CNKSR2: variants seen among roughly 807,000 people sequenced by gnomAD.
CNKSR2 encodes the protein CNK homolog protein 2.
In CNKSR2, 14 loss-of-function variants were observed where a neutral mutation model predicts 84.4. That is an observed-to-expected ratio of 0.17 (90% CI 0.11 to 0.26). CNKSR2 has a LOEUF of 0.26. Ranked by LOEUF, CNKSR2 falls within the 10% of genes least tolerant of loss-of-function variation. The pLI, the probability that CNKSR2 is intolerant of heterozygous loss-of-function variation, is 1.00. For missense variants in CNKSR2, 485 were observed against 771.2 expected (o/e 0.63, Z 4.40); for synonymous variants, 275 against 277.9 (o/e 0.99, Z 0.10).
At chrX:21,572,761 G>T (rs760303366) in intron 13 of CNKSR2, among the ~76,000 whole-genome samples, 1 of 111,231 alleles carries the variant, frequency 9.0e-6, no homozygotes, top group African/African-American at 3.3e-5. Flanking sequence ...CATAATACAT[G>T]GGGATTGTGG....
At chrX:21,418,087 C>T (rs1469230360) in intron 1 of CNKSR2, among the ~76,000 whole-genome samples, 4 of 111,367 alleles carry the variant, frequency 3.6e-5, no homozygotes, top group African/African-American at 1.3e-4. Flanking sequence ...CAAATACTAT[C>T]TTAATAACCA....
At chrX:21,501,653 A>G in intron 8 of CNKSR2, 65 bp downstream of exon 8, 1 of 541,219 alleles carries the variant, frequency 1.8e-6, no homozygotes, top group African/African-American at 2.3e-5. Context: ...GCTTTAAAAG[A>G]ATGCCAATGA....
intron 19 of CNKSR2, among the ~76,000 whole-genome samples, chrX:21,607,424 GTTTACTTGGGACTGTCCCAC>G (rs2092524103): frequency 9.0e-6 from 1 of 111,438 alleles, no homozygotes; most frequent in Non-Finnish European, 1.9e-5. Context: ...TAAACAGCTG[GTTTACTTGGGACTGTCCCAC>G]TTTATGGCCC....
At chrX:21,396,753 A>G (rs1291720005) in intron 1 of CNKSR2, among the ~76,000 whole-genome samples, 1 of 112,001 alleles carries the variant, frequency 8.9e-6, no homozygotes, top group East Asian at 2.8e-4. Context: ...ACTTGTAAGC[A>G]TCTGAGCTCG....
At chrX:21,644,560 T>G (rs2092701213) in intron 20 of CNKSR2, 1 of 111,132 alleles carries the variant, frequency 9.0e-6, no homozygotes, top group East Asian at 2.8e-4. Flanking sequence ...CTTTTTGGAG[T>G]AGTTCATATA....
intron 12 of CNKSR2, among the ~76,000 whole-genome samples, 177 bp downstream of exon 12, chrX:21,561,737 A>G (rs1380635862): frequency 1.8e-5 from 2 of 111,582 alleles, no homozygotes; most frequent in African/African-American, 3.3e-5. Context: ...TTAAACAGAT[A>G]TTGTCTCTGA....
chrX:21,467,184 G>A (rs2091139306), intron 4 of CNKSR2, among the ~76,000 whole-genome samples: 1 of 110,989 alleles, frequency 9.0e-6, no homozygotes, highest in African/African-American at 3.3e-5. Context: ...TGGTGTTCCT[G>A]TATCACATGG....
intron 1 of CNKSR2, among the ~76,000 whole-genome samples, chrX:21,384,772 A>G (rs1449457232): frequency 8.9e-6 from 1 of 111,993 alleles, no homozygotes; most frequent in Non-Finnish European, 1.9e-5. Flanking sequence ...GTATACTTAG[A>G]ATTATCAGTC....
chrX:21,563,726 C>T (rs1351667527), intron 13 of CNKSR2, among the ~76,000 whole-genome samples: 2 of 111,552 alleles, frequency 1.8e-5, no homozygotes, highest in African/African-American at 6.5e-5. Flanking sequence ...GCTGATTAAT[C>T]ATCAGTGTGA....
In CNKSR2 at chrX:21,599,339, G is replaced by GGTGTGT. The variant is rs34829122; in HGVS notation, c.1977-1903_1977-1898dup. 4.9e-3 allele frequency among the ~76,000 whole-genome samples: 404 copies of GGTGTGT among 82,678 alleles called. 5 individuals carry two copies. The highest frequency in any genetic ancestry group is 9.1e-3 in the African/African-American group (195 of 21,496). 71.8% of individuals were successfully genotyped at this position (82,678 alleles called of 115,157 possible). A position where few individuals can be genotyped will look rare whatever the true frequency, so the allele number is the denominator to read the frequency against. On this transcript the variant is annotated intron_variant, in intron 17 of 21. Coordinates refer to ENST00000379510, the MANE Select transcript of CNKSR2 (RefSeq NM_014927.5). ...AAATTTCAGTGTTTTTTTTTGTTTT[G>GGTGTGT]GTGTGTGTGTGTGTGTGTGTGTGTG...
intron 9 of CNKSR2, among the ~76,000 whole-genome samples, chrX:21,519,467 A>G (rs2147101161): frequency 9.0e-6 from 1 of 110,909 alleles, no homozygotes; most frequent in East Asian, 2.9e-4. Context: ...CAGATGTGAA[A>G]CGTAACTGCT....
intron 11 of CNKSR2, among the ~76,000 whole-genome samples, chrX:21,543,403 G>C (rs769413295): frequency 1.8e-5 from 2 of 112,455 alleles, no homozygotes; most frequent in Admixed American, 1.9e-4. Flanking sequence ...ATTTAATAAA[G>C]TTCATAAAGA....
intron 13 of CNKSR2, among the ~76,000 whole-genome samples, chrX:21,571,976 G>A (rs2092286864): frequency 8.9e-6 from 1 of 112,060 alleles, no homozygotes; most frequent in Admixed American, 9.5e-5. Context: ...GAAGACAGCT[G>A]TATTACAGAA....
At chrX:21,454,936 G>A (rs769501297) in intron 4 of CNKSR2, among the ~76,000 whole-genome samples, 1 of 111,722 alleles carries the variant, frequency 9.0e-6, no homozygotes, top group East Asian at 2.8e-4. Flanking sequence ...GGCAGGACTA[G>A]AACTCAAGTC....
intron 1 of CNKSR2, among the ~76,000 whole-genome samples, chrX:21,415,773 CT>C (rs2090409417): frequency 9.6e-6 from 1 of 103,819 alleles, no homozygotes; most frequent in South Asian, 4.4e-4. Context: ...TACCCTAGAA[CT>C]TAAAGTATTA....
At position 21,590,494 on chromosome X, in the gene CNKSR2, G is replaced by C; in HGVS notation, c.1609-78G>C. 3.1e-6 allele frequency: 3 copies of C among 955,090 alleles called. No individual in the cohort carries two copies. In the South Asian group the frequency reaches 6.7e-5, roughly 21 times the overall value. The allele number at this position is 955,090 out of a possible 1,213,427, so 78.7% of individuals were successfully genotyped here. A position where few individuals can be genotyped will look rare whatever the true frequency, so the allele number is the denominator to read the frequency against. On this transcript the variant is annotated intron_variant, in intron 13 of 21. Coordinates refer to ENST00000379510, the MANE Select transcript of CNKSR2 (RefSeq NM_014927.5). ...TGTTTAGAGTCATCATTTAGCTCTT[G>C]AGAGTTCTGTGTAGCGTGCTGGTGC...
intron 11 of CNKSR2, among the ~76,000 whole-genome samples, chrX:21,556,585 T>TA (rs2147177295): frequency 1.8e-5 from 2 of 109,636 alleles, no homozygotes; most frequent in East Asian, 5.8e-4. Context: ...AAGGAAGGAG[T>TA]AGTACTCGGT....
intron 20 of CNKSR2, among the ~76,000 whole-genome samples, chrX:21,611,885 G>T (rs184277038): frequency 1.5e-4 from 17 of 111,541 alleles, no homozygotes; most frequent in Non-Finnish European, 1.1e-4. Context: ...CACTGAAAGT[G>T]GCCTTGCACT....
chrX:21,413,447 C>G (rs2090372966), intron 1 of CNKSR2, among the ~76,000 whole-genome samples: 2 of 110,685 alleles, frequency 1.8e-5, no homozygotes, highest in African/African-American at 6.6e-5. Flanking sequence ...CTTTGTGTTA[C>G]AAACAATATA....
Sources: gnomAD v4.1 joint callset for allele counts (sites outside exome capture counted in the v4.1 genomes callset) on GRCh38, gnomAD v4.1.1 for gene constraint, MANE v1.5 for transcripts, NCBI Gene and HGNC (gene_info 2026-07-23, HGNC 2026-07-21) for gene names.